The following CCNY variants were observed in gnomAD, a reference collection of about 807,000 sequenced individuals.
CCNY encodes the protein cyclin Y.
A neutral mutation model predicts 42.8 loss-of-function variants in CCNY; 19 were observed. The observed-to-expected ratio is 0.44, with a 90% CI of 0.31 to 0.65. The LOEUF (loss-of-function observed/expected upper bound fraction) is 0.65, where lower values mean the gene tolerates loss of function less well. Among genes scored for constraint, CCNY ranks in the 30% least tolerant of loss-of-function variants. The pLI is 0.07. For synonymous variants in CCNY, 165 were observed against 162.7 expected (o/e 1.01, Z -0.11); for missense variants, 370 against 437.3 (o/e 0.85, Z 1.37).
chr10:35,499,406 G>A (rs971701387), intron 2 of CCNY, among the ~76,000 whole-genome samples: 3 of 152,110 alleles, frequency 2.0e-5, no homozygotes, highest in Non-Finnish European at 4.4e-5. Flanking sequence ...CTGCCCCCAT[G>A]ATTCAATTAC....
intron 1 of CCNY, among the ~76,000 whole-genome samples, chr10:35,340,056 G>A (rs1836140976): frequency 6.6e-6 from 1 of 152,106 alleles, no homozygotes; most frequent in Non-Finnish European, 1.5e-5. Context: ...ACCAGCTGCC[G>A]CTCTAAGTAC....
chr10:35,436,945 C>G (rs1838547379), intron 1 of CCNY, among the ~76,000 whole-genome samples: 1 of 152,174 alleles, frequency 6.6e-6, no homozygotes, highest in Non-Finnish European at 1.5e-5. Context: ...TTAATGGACT[C>G]ACAGTTCCAC....
chr10:35,264,357 G>A (rs2095722749), intron 3 of CCNY, among the ~76,000 whole-genome samples: 1 of 152,106 alleles, frequency 6.6e-6, no homozygotes, highest in African/African-American at 2.4e-5. Flanking sequence ...AGGTCAAATG[G>A]TATTTCTGCC....
chr10:35,503,645 T>A (rs7904462), intron 3 of CCNY, among the ~76,000 whole-genome samples: 1 of 152,060 alleles, frequency 6.6e-6, no homozygotes, highest in African/African-American at 2.4e-5. Flanking sequence ...TGCTTTAAAG[T>A]GTGTGTGCCA....
intron 1 of CCNY, among the ~76,000 whole-genome samples, chr10:35,442,052 T>A (rs1193834677): frequency 6.6e-6 from 1 of 152,218 alleles, no homozygotes; most frequent in East Asian, 1.9e-4. Flanking sequence ...TGTTGCATTT[T>A]AAATAATAGC....
chr10:35,563,875 A>ATT lies in CCNY; in HGVS notation c.747-2131_747-2130dup, dbSNP rs527639128. ...AGGTGCCCACCACCATGCCTGACTAATTTTTTTTTTTTTTTTTTGAGACAG... is the reference window on the plus strand; with the variant it reads ...AGGTGCCCACCACCATGCCTGACTAATTTTTTTTTTTTTTTTTTTTGAGACAG... On this transcript the variant is annotated intron_variant, in intron 8 of 9. Coordinates refer to ENST00000374704, the MANE Select transcript of CCNY (RefSeq NM_145012.6). Among the ~76,000 whole-genome samples the ATT allele has an allele frequency of 7.7e-3, 907 of 118,498 alleles. 12 individuals carry two copies. The highest frequency in any genetic ancestry group is 0.027 in the African/African-American group (859 of 31,418). 77.7% of individuals were successfully genotyped at this position (118,498 alleles called of 152,430 possible).
intron 3 of CCNY, among the ~76,000 whole-genome samples, chr10:35,301,610 G>A (rs1326576087): frequency 6.6e-6 from 1 of 152,074 alleles, no homozygotes. Context: ...TTTATTGGAA[G>A]CCTGTTTTCA....
At position 35,441,061 on chromosome 10, in the gene CCNY, T is replaced by A. The variant is rs911551510; in HGVS notation, c.155-42343T>A. 3.9e-5 allele frequency among the ~76,000 whole-genome samples: 6 copies of A among 152,168 alleles called. 1 individual carries two copies. The highest frequency in any genetic ancestry group is 3.9e-4 in the Admixed American group (6 of 15,278). On this transcript the variant is annotated intron_variant, in intron 1 of 9. Coordinates refer to ENST00000374704, the MANE Select transcript of CCNY (RefSeq NM_145012.6). ...GATTCTATATTGTTAGCACCACTTA[T>A]AAGACTCCATTTGCCTGAAATGGAA...
Position 35,553,053 on chromosome 10 carries a change from T to C in CCNY, c.614T>C (p.Ile205Thr). The change falls in exon 8 of 10, where the codon ATA (isoleucine) becomes ACA (threonine). Residue 205 changes from isoleucine (I) to threonine (T), a missense_variant. By Grantham distance (89) the Ile-to-Thr change is moderately conservative (BLOSUM62 -1). This residue lies in a region of CCNY where 234 missense variants were observed against 313.1 expected (regional missense o/e 0.75). Coordinates refer to ENST00000374704, the MANE Select transcript of CCNY (RefSeq NM_145012.6). ...YLERLLTYAE[I>T]DICPANWKRI... is the part of the protein sequence containing the mutation. ...GAAAGACTTTTAACATACGCAGAGATAGATATCTGTCCGGCCAACTGGAAG... is the reference window on the plus strand; with the variant it reads ...GAAAGACTTTTAACATACGCAGAGACAGATATCTGTCCGGCCAACTGGAAG... 1 of 1,614,162 alleles carries C rather than the reference T, an allele frequency of 6.2e-7. No individual in the cohort carries two copies. Among genetic ancestry groups the C allele is most frequent in the Non-Finnish European group, 8.5e-7 (1 of 1,180,014 alleles).
intron 8 of CCNY, among the ~76,000 whole-genome samples, chr10:35,563,167 A>C (rs1841499437): frequency 6.6e-6 from 1 of 152,086 alleles, no homozygotes; most frequent in Non-Finnish European, 1.5e-5. Context: ...TGGAAATTCA[A>C]GTTTTGGAAA....
chr10:35,438,489 T>C (rs1456683622), intron 1 of CCNY, among the ~76,000 whole-genome samples: 1 of 152,210 alleles, frequency 6.6e-6, no homozygotes. Context: ...TAATATTCTG[T>C]TGTATGGCTG....
chr10:35,533,033 T>C (rs1343981040), intron 7 of CCNY, among the ~76,000 whole-genome samples: 1 of 152,222 alleles, frequency 6.6e-6, no homozygotes, highest in Non-Finnish European at 1.5e-5. Context: ...GGGCTGCTTC[T>C]CTCACCTTTG....
At chr10:35,249,404 C>T (rs2095710284) in intron 2 of CCNY, among the ~76,000 whole-genome samples, 1 of 152,118 alleles carries the variant, frequency 6.6e-6, no homozygotes, top group African/African-American at 2.4e-5. Flanking sequence ...TACAGAAAAT[C>T]CCTAAATGGA....
chr10:35,389,614 A>G (rs1837370827), intron 1 of CCNY, among the ~76,000 whole-genome samples: 2 of 151,658 alleles, frequency 1.3e-5, no homozygotes, highest in Admixed American at 6.6e-5. Flanking sequence ...TAATTTTTGT[A>G]TTTTTAGTAG....
intron 3 of CCNY, among the ~76,000 whole-genome samples, chr10:35,283,538 G>T (rs1392621254): frequency 6.6e-6 from 1 of 151,966 alleles, no homozygotes; most frequent in East Asian, 1.9e-4. Flanking sequence ...CAAGTAGGTG[G>T]GACCACAGGC....
chr10:35,254,498 T>A (rs569405199), intron 3 of CCNY, among the ~76,000 whole-genome samples: 3 of 152,258 alleles, frequency 2.0e-5, no homozygotes, highest in South Asian at 4.1e-4. Flanking sequence ...TACATGTTAT[T>A]TTTTTCTTTA....
intron 3 of CCNY, among the ~76,000 whole-genome samples, chr10:35,512,658 G>A (rs1163869402): frequency 6.6e-6 from 1 of 152,146 alleles, no homozygotes; most frequent in Non-Finnish European, 1.5e-5. Flanking sequence ...ATTAGTTCTG[G>A]CCTGAAGAGA....
chr10:35,398,685 T>C (rs1837577985), intron 1 of CCNY, among the ~76,000 whole-genome samples: 1 of 152,212 alleles, frequency 6.6e-6, no homozygotes, highest in Non-Finnish European at 1.5e-5. Context: ...TTTTACAAAA[T>C]GCTCACTAGT....
At chr10:35,330,099 T>TAAA (rs1308428945) in intron 3 of CCNY, among the ~76,000 whole-genome samples, 1 of 152,178 alleles carries the variant, frequency 6.6e-6, no homozygotes, top group Non-Finnish European at 1.5e-5. Flanking sequence ...TGAAGCCAGT[T>TAAA]AACTAAGATT....
Sources: allele counts gnomAD v4.1 joint callset (sites outside exome capture counted in the v4.1 genomes callset), GRCh38; gene constraint gnomAD v4.1.1; regional missense constraint gnomAD v4.1.1; transcripts MANE v1.5; gene names NCBI Gene and HGNC (gene_info 2026-07-23, HGNC 2026-07-21).